Variants in STARD9 observed in about 807,000 individuals in gnomAD.
The protein encoded by STARD9 is StAR related lipid transfer domain containing 9, also known as stAR-related lipid transfer protein 9.
A neutral mutation model predicts 399.8 loss-of-function variants in STARD9; 346 were observed. That is an observed-to-expected ratio of 0.87 (90% CI 0.79 to 0.95). The LOEUF (loss-of-function observed/expected upper bound fraction) is 0.95. Ranked by LOEUF, STARD9 falls within the 40% of genes least tolerant of loss-of-function variation. STARD9 has a pLI of 0.00. For synonymous variants in STARD9, 2,203 were observed against 2,143.5 expected, an observed-to-expected ratio of 1.03 and a Z score of -0.77; for missense variants, 5,832 against 5,667.5, an observed-to-expected ratio of 1.03 and a Z score of -0.93.
chr15:42,687,704 T>G lies in STARD9; in HGVS notation c.6126T>G (p.Asn2042Lys). Residue 2042 changes from asparagine (N) to lysine (K), a missense_variant, in exon 23 of 33, where the codon AAT (asparagine) becomes AAG (lysine). Asn to Lys is a moderately conservative substitution (Grantham distance 94, BLOSUM62 0). This residue lies in a region of STARD9 where 5,828 missense variants were observed against 5,651.1 expected (regional missense o/e 1.03). Coordinates refer to ENST00000290607, the MANE Select transcript of STARD9 (RefSeq NM_020759.3). The stretch of plus-strand genomic sequence containing the variant: ...GAAAGAAACAGAATAAAAGAGTTAA[T>G]AATACTGATGAAATGGCTAGGCTAA... Reference protein sequence around the residue: ...PSGKKQNKRVNNTDEMARLIR... With the variant: ...PSGKKQNKRVKNTDEMARLIR... 6.5e-7 allele frequency: 1 copy of G among 1,537,326 alleles called. No individual in the cohort carries two copies. The highest frequency in any genetic ancestry group is 1.2e-5 in the South Asian group (1 of 84,058).
intron 7 of STARD9, among the ~76,000 whole-genome samples, chr15:42,644,553 G>T (rs1227529471): frequency 3.3e-5 from 5 of 152,102 alleles, no homozygotes; most frequent in African/African-American, 1.2e-4. Flanking sequence ...AAATGCTAGT[G>T]GTTACCTGAG....
rs1326065017 is a variant in STARD9, at chr15:42,685,088, C to A, written c.3510C>A (p.Asn1170Lys). ...GGCTAGGGGGCAATCGTCCCACCAACAACCGTGGCCAACCCAGGACCAGAA... is the reference window on the plus strand; with the variant it reads ...GGCTAGGGGGCAATCGTCCCACCAAAAACCGTGGCCAACCCAGGACCAGAA... Reference protein sequence around the residue: ...KNRLGGNRPTNNRGQPRTRTR... With the variant: ...KNRLGGNRPTKNRGQPRTRTR... Residue 1170 changes from asparagine (N) to lysine (K), a missense_variant, in exon 23 of 33, where the codon AAC (asparagine) becomes AAA (lysine). By Grantham distance (94) the Asn-to-Lys change is moderately conservative. Coordinates refer to ENST00000290607, the MANE Select transcript of STARD9 (RefSeq NM_020759.3). 5 of 1,537,230 alleles carry A rather than the reference C, an allele frequency of 3.3e-6. No homozygotes were observed. In the Admixed American group the frequency reaches 5.9e-5, roughly 18 times the overall value.
intron 14 of STARD9, among the ~76,000 whole-genome samples, 153 bp from the exon 15 acceptor site, chr15:42,665,633 A>G (rs2060085416): frequency 6.6e-6 from 1 of 152,196 alleles, no homozygotes; most frequent in South Asian, 2.1e-4. Context: ...CTTTGTACCA[A>G]TATGAGCCCA....
chr15:42,708,608 T>G (rs140816241), intron 26 of STARD9, among the ~76,000 whole-genome samples: 65 of 152,372 alleles, frequency 4.3e-4, no homozygotes, highest in African/African-American at 1.5e-3. Flanking sequence ...TGTGATAGTT[T>G]CTCAGTCTTT....
Position 42,691,556 on chromosome 15 carries a change from C to G in STARD9, c.9978C>G (p.Phe3326Leu). 1 of 1,537,282 alleles carries G rather than the reference C, an allele frequency of 6.5e-7. No homozygotes were observed. Among genetic ancestry groups the G allele is most frequent in the Non-Finnish European group, 8.7e-7 (1 of 1,146,918 alleles). ...CCAGGTCCTCCCCCACACCACAGTT[C>G]TCAGTTGTCGGCTCTTCTCGTTCTC... is the stretch of plus-strand genomic sequence containing the variant. ...KHSRSSPTPQ[F>L]SVVGSSRSLQ... is the part of the protein sequence containing the mutation. Residue 3326 changes from phenylalanine to leucine, a missense_variant, in exon 23 of 33, where the codon TTC becomes TTG. Coordinates refer to ENST00000290607, the MANE Select transcript of STARD9 (RefSeq NM_020759.3).
rs2060743898 is a variant in STARD9 at position 42,692,799 on chromosome 15, A to T, written c.11221A>T (p.Thr3741Ser). The T allele has an allele frequency of 6.5e-7, 1 of 1,536,992 alleles. No homozygotes were observed. ...TVDEGSQTDL[T>S]LPTLCLQTSE... is the part of the protein sequence containing the mutation. ...GGATGAGGGCAGCCAGACTGACCTC[A>T]CCTTACCCACCCTGTGCCTCCAGAC... The change falls in exon 23 of 33, where the codon ACC becomes TCC. Residue 3741 changes from threonine (T) to serine (S), a missense_variant. Around this residue, in one of 2 missense-constraint regions of STARD9, gnomAD observed 5,828 missense variants for 5,651.1 expected, o/e 1.03. Transcript: ENST00000290607.
Position 42,583,384 on chromosome 15 carries a change from A to G in STARD9, c.86A>G (p.Asp29Gly). 1 of 1,537,192 alleles carries G rather than the reference A, an allele frequency of 6.5e-7. No homozygotes were observed. The highest frequency in any genetic ancestry group is 8.7e-7 in the Non-Finnish European group (1 of 1,146,810). Residue 29 changes from aspartate (D) to glycine (G), a missense_variant, in exon 2 of 33, where the codon GAT becomes GGT. Coordinates refer to ENST00000290607, the MANE Select transcript of STARD9 (RefSeq NM_020759.3). ...KEGGRIIVEV[D>G]GKVAKIRNLK... The stretch of plus-strand genomic sequence containing the variant: ...GGGGGAAGAATTATTGTGGAAGTTG[A>G]TGGCAAAGTGGCAAAAATCAGGAAT...
rs1404932446 is a variant in STARD9 at position 42,692,407 on chromosome 15, GTGC to G, written c.10833_10835del (p.Ala3612del). 1.6e-5 allele frequency: 24 copies of G among 1,537,056 alleles called. No individual in the cohort carries two copies. Among genetic ancestry groups the G allele is most frequent in the Non-Finnish European group, 2.1e-5 (24 of 1,146,914 alleles). On this transcript the variant is annotated inframe_deletion, in exon 23 of 33. Coordinates refer to ENST00000290607, the MANE Select transcript of STARD9 (RefSeq NM_020759.3). Reference sequence around the variant, plus strand: ...AGTAAGCCCCCCTTGGCCAAAGGAAGTGCTGCAGGTCCAGTGGATGAGATTATG... The same window carrying G: ...AGTAAGCCCCCCTTGGCCAAAGGAAGTGCAGGTCCAGTGGATGAGATTATG...
At chr15:42,653,852 A>C (rs987679830) in intron 9 of STARD9, among the ~76,000 whole-genome samples, 82 of 152,302 alleles carry the variant, frequency 5.4e-4, no homozygotes, top group African/African-American at 1.9e-3. Context: ...TCCTAATGTC[A>C]ATAAAAGAAT....
chr15:42,585,670 G>T, intron 3 of STARD9, 33 bp downstream of exon 3: 1 of 1,334,998 alleles, frequency 7.5e-7, no homozygotes, highest in Non-Finnish European at 1.0e-6. Flanking sequence ...TTTCACCTCA[G>T]TTCTTTTTTT....
rs186697829 is a variant in STARD9, at chr15:42,586,377, C to A, written c.234+740C>A. Reference sequence around the variant, plus strand: ...CTTTGCCAGCTGAGCCTGTTGGTCACCCGTCATGTGTCTTGTGGTTCTGCT... The same window carrying A: ...CTTTGCCAGCTGAGCCTGTTGGTCAACCGTCATGTGTCTTGTGGTTCTGCT... On this transcript the variant is annotated intron_variant, in intron 3 of 32. Coordinates refer to ENST00000290607, the MANE Select transcript of STARD9 (RefSeq NM_020759.3). Among the ~76,000 whole-genome samples, 687 of 152,276 alleles carry A rather than the reference C, an allele frequency of 4.5e-3. 1 individual carries two copies. The highest frequency in any genetic ancestry group is 0.01 in the African/African-American group (426 of 41,572).
Position 42,694,017 on chromosome 15 carries a change from G to A in STARD9, c.12439G>A (p.Gly4147Arg). 6.5e-7 allele frequency: 1 copy of A among 1,527,344 alleles called. No homozygotes were observed. 94.6% of individuals were successfully genotyped at this position (1,527,344 alleles called of 1,614,324 possible). The change falls in exon 23 of 33, where the codon GGG becomes AGG. Residue 4147 changes from glycine (G) to arginine (R), a missense_variant. By Grantham distance (125) the Gly-to-Arg change is moderately radical. Around this residue, in one of 2 missense-constraint regions of STARD9, gnomAD observed 5,828 missense variants for 5,651.1 expected, o/e 1.03. Coordinates refer to ENST00000290607, the MANE Select transcript of STARD9 (RefSeq NM_020759.3). The part of the protein sequence containing the change: ...PVHNKFSNWC[G>R]VQKGSPGGLD... ...GCATAACAAATTTAGTAACTGGTGT[G>A]GGGTTCAGAAGGGCTCACCTGGGGG...
intron 26 of STARD9, among the ~76,000 whole-genome samples, chr15:42,699,510 C>T (rs1313854221): frequency 6.7e-6 from 1 of 150,234 alleles, no homozygotes; most frequent in Non-Finnish European, 1.5e-5. Flanking sequence ...TCTCCTGCCT[C>T]AGCCTCCTGA....
intron 26 of STARD9, among the ~76,000 whole-genome samples, chr15:42,705,456 T>C (rs2061055696): frequency 6.6e-6 from 1 of 152,186 alleles, no homozygotes; most frequent in East Asian, 1.9e-4. Flanking sequence ...TTTTTTGAGA[T>C]GGAGTCTTGC....
intron 20 of STARD9, among the ~76,000 whole-genome samples, chr15:42,677,865 G>A (rs1387425551): frequency 6.6e-6 from 1 of 152,154 alleles, no homozygotes; most frequent in Non-Finnish European, 1.5e-5. Context: ...TTGTCCTCCT[G>A]TCTCAACCCA....
intron 3 of STARD9, among the ~76,000 whole-genome samples, chr15:42,595,718 G>A (rs1312306493): frequency 2.0e-5 from 3 of 152,126 alleles, no homozygotes; most frequent in Admixed American, 1.3e-4. Context: ...CACTAGTGCT[G>A]GTTTTTTTCC....
intron 1 of STARD9, among the ~76,000 whole-genome samples, chr15:42,576,606 G>C (rs1197289072): frequency 6.6e-6 from 1 of 152,168 alleles, no homozygotes; most frequent in East Asian, 1.9e-4. Flanking sequence ...GAAGTGAGTG[G>C]TGGAAGGTAA....
chr15:42,676,635 C>T lies in STARD9; in HGVS notation c.1874+660C>T, dbSNP rs756673652. On this transcript the variant is annotated intron_variant, in intron 20 of 32. Coordinates refer to ENST00000290607, the MANE Select transcript of STARD9 (RefSeq NM_020759.3). The stretch of plus-strand genomic sequence containing the variant: ...CTACTTTTCTACTTCATACTTCATC[C>T]GTTTCTACATAAAACACCCTTCCCA... Among the ~76,000 whole-genome samples the T allele has an allele frequency of 7.2e-5, 11 of 152,268 alleles. No individual in the cohort carries two copies. In the East Asian group the frequency reaches 1.3e-3, roughly 19 times the overall value.
chr15:42,668,492 G>C (rs1279487271), intron 15 of STARD9, among the ~76,000 whole-genome samples: 1 of 151,480 alleles, frequency 6.6e-6, no homozygotes, highest in Non-Finnish European at 1.5e-5. Flanking sequence ...CACTGTGCAT[G>C]TCCCTAAAGT....
Sources: gnomAD v4.1 joint callset for allele counts (sites outside exome capture counted in the v4.1 genomes callset) on GRCh38, gnomAD v4.1.1 for gene constraint, gnomAD v4.1.1 regional missense constraint, MANE v1.5 for transcripts, NCBI Gene and HGNC (gene_info 2026-07-23, HGNC 2026-07-21) for gene names.